The following CARHSP1 variants were observed in gnomAD, a reference collection of about 807,000 sequenced individuals.
CARHSP1 encodes the protein calcium-regulated heat-stable protein 1.
Under a neutral mutation model 12.5 loss-of-function variants are expected in CARHSP1, and 14 were observed. The ratio of observed to expected loss-of-function variants is 1.12; its 90% CI spans 0.74 to 1.75. CARHSP1 has a LOEUF of 1.75. Ranked by LOEUF, CARHSP1 falls within the 40% of genes most tolerant of loss-of-function variation. The pLI, the probability that CARHSP1 is intolerant of heterozygous loss-of-function variation, is 0.00. For synonymous variants in CARHSP1, 161 were observed against 82.0 expected, an observed-to-expected ratio of 1.96 and a Z score of -5.20; for missense variants, 343 against 201.6, an observed-to-expected ratio of 1.70 and a Z score of -4.25.
In CARHSP1 at chr16:8,854,384, A is replaced by C. The variant is rs2061030946; in HGVS notation, c.*780T>G. 1 of 152,104 alleles carries C rather than the reference A, an allele frequency of 6.6e-6. No individual in the cohort carries two copies. Among genetic ancestry groups the C allele is most frequent in the Non-Finnish European group, 1.5e-5 (1 of 68,026 alleles). 9.4% of individuals were successfully genotyped at this position (152,104 alleles called of 1,614,324 possible). On this transcript the variant is annotated 3_prime_UTR_variant, in exon 4 of 4. Transcript: ENST00000311052. The stretch of plus-strand genomic sequence containing the variant: ...CACCACCCCAGCCCCCCGCCGCCAT[A>C]ATTACAGGGGCTGTGAAATGGCTGT...
intron 3 of CARHSP1, chr16:8,857,887 G>C (rs376237653): frequency 6.5e-6 from 1 of 154,612 alleles, no homozygotes; most frequent in Non-Finnish European, 1.4e-5. Context: ...TCAGCCTCCC[G>C]AGTAGCTGGG....
intron 3 of CARHSP1, among the ~76,000 whole-genome samples, chr16:8,856,420 TC>T (rs2061110387): frequency 6.6e-6 from 1 of 152,180 alleles, no homozygotes; most frequent in African/African-American, 2.4e-5. Context: ...GCAGCCTACT[TC>T]CAGCAGCAGA....
At chr16:8,864,035 C>T (rs920882239) in intron 1 of CARHSP1, among the ~76,000 whole-genome samples, 7 of 152,164 alleles carry the variant, frequency 4.6e-5, no homozygotes, top group South Asian at 2.1e-4. Flanking sequence ...CAAACAGATC[C>T]GCCACTCAGA....
intron 1 of CARHSP1, among the ~76,000 whole-genome samples, chr16:8,864,399 G>C (rs1399908439): frequency 1.3e-5 from 2 of 152,090 alleles, no homozygotes; most frequent in Non-Finnish European, 2.9e-5. Flanking sequence ...TAAGGGAGTG[G>C]GACAGACCAT....
chr16:8,861,563 A>G, intron 1 of CARHSP1: 1 of 1,245,872 alleles, frequency 8.0e-7, no homozygotes, highest in South Asian at 1.2e-5. Context: ...CTGAAATGTC[A>G]GAACCCCTCC....
At chr16:8,857,206 C>G (rs950768172) in intron 3 of CARHSP1, among the ~76,000 whole-genome samples, 1 of 148,590 alleles carries the variant, frequency 6.7e-6, no homozygotes, top group Admixed American at 6.8e-5. Context: ...CAAGCATAGT[C>G]GGGCACCCCC....
Position 8,860,309 on chromosome 16 carries a change from G to C in CARHSP1, c.-7-974C>G, listed in dbSNP as rs146488736. 4.1e-6 allele frequency: 4 copies of C among 984,194 alleles called. No individual in the cohort carries two copies. The East Asian group carries it at 4.5e-4, about 112-fold the overall frequency. 61.0% of individuals were successfully genotyped at this position (984,194 alleles called of 1,614,324 possible). On this transcript the variant is annotated intron_variant, in intron 1 of 3. Transcript: ENST00000311052. ...ATTTCCACACAGCCCGGGTCACCAC[G>C]CTGTTATGAAATCAAATTCCTTCTG...
intron 1 of CARHSP1, chr16:8,866,350 T>C (rs998995018): frequency 2.5e-6 from 2 of 804,458 alleles, no homozygotes; most frequent in Non-Finnish European, 3.0e-6. Flanking sequence ...AGCCCAAGGC[T>C]TAACAGTGCA....
Position 8,859,442 on chromosome 16 carries a change from CG to C in CARHSP1, c.-7-108del. 6.0e-6 allele frequency: 6 copies of C among 1,002,150 alleles called. No homozygotes were observed. The South Asian group carries it at 9.3e-5, about 16-fold the overall frequency. The allele number at this position is 1,002,150 out of a possible 1,614,324, so 62.1% of individuals were successfully genotyped here. A position where few individuals can be genotyped will look rare whatever the true frequency, so the allele number is the denominator to read the frequency against. On this transcript the variant is annotated intron_variant, in intron 1 of 3. Coordinates refer to ENST00000311052, the MANE Select transcript of CARHSP1 (RefSeq NM_014316.4). The stretch of plus-strand genomic sequence containing the variant: ...TCCAGTATCTGAGGCTCATTCCTCT[CG>C]GGCACCTCAGCACCATTGTCACCTT...
rs1054012793 is a variant in CARHSP1, at chr16:8,859,105, A to G, written c.158+66T>C. 2.8e-6 allele frequency: 4 copies of G among 1,447,716 alleles called. No homozygotes were observed. In the African/African-American group the frequency reaches 4.3e-5, roughly 15 times the overall value. 89.7% of individuals were successfully genotyped at this position (1,447,716 alleles called of 1,614,324 possible). A position where few individuals can be genotyped will look rare whatever the true frequency, so the allele number is the denominator to read the frequency against. ...TAGGCCCAAAAATGGCCAGAGACACAGTGAATCTCTGGCCTCAGGCAAGAG... is the reference window on the plus strand; with the variant it reads ...TAGGCCCAAAAATGGCCAGAGACACGGTGAATCTCTGGCCTCAGGCAAGAG... On this transcript the variant is annotated intron_variant, in intron 2 of 3. Coordinates refer to ENST00000311052, the MANE Select transcript of CARHSP1 (RefSeq NM_014316.4).
At chr16:8,863,624 G>A (rs1596326587) in intron 1 of CARHSP1, among the ~76,000 whole-genome samples, 1 of 152,176 alleles carries the variant, frequency 6.6e-6, no homozygotes, top group African/African-American at 2.4e-5. Flanking sequence ...GCCTCTCATG[G>A]CCCATCTGGG....
At chr16:8,856,727 T>C (rs2141077118) in intron 3 of CARHSP1, among the ~76,000 whole-genome samples, 1 of 152,270 alleles carries the variant, frequency 6.6e-6, no homozygotes, top group African/African-American at 2.4e-5. Context: ...TAGGACTCTG[T>C]CTGCCCCTGC....
chr16:8,867,859 G>A (rs2061476021), intron 1 of CARHSP1: 1 of 152,414 alleles, frequency 6.6e-6, no homozygotes, highest in South Asian at 2.1e-4. Context: ...AGGAAGCCCT[G>A]CTGAGAAGTT....
chr16:8,856,517 G>A (rs2061114863), intron 3 of CARHSP1, among the ~76,000 whole-genome samples: 2 of 151,334 alleles, frequency 1.3e-5, no homozygotes, highest in South Asian at 4.2e-4. Context: ...ATCCTTTCTG[G>A]GACAAGGCAG....
intron 1 of CARHSP1, among the ~76,000 whole-genome samples, chr16:8,861,258 A>G (rs1294537607): frequency 3.9e-5 from 5 of 129,790 alleles, no homozygotes; most frequent in Admixed American, 9.1e-5. Context: ...GGCTCAACGG[A>G]TTCTCCCACC....
At chr16:8,860,093 GC>G in intron 1 of CARHSP1, 2 of 973,596 alleles carry the variant, frequency 2.1e-6, no homozygotes, top group Non-Finnish European at 1.2e-6. Context: ...GGAAGCAGGG[GC>G]AAAAACTGAC....
intron 1 of CARHSP1, chr16:8,859,979 A>G: frequency 1.4e-5 from 3 of 221,308 alleles, no homozygotes; most frequent in Non-Finnish European, 2.3e-5. Flanking sequence ...TCTGTCTCAA[A>G]AAAGAAAACC....
At position 8,859,162 on chromosome 16, in the gene CARHSP1, C is replaced by G. The variant is rs2061256948; in HGVS notation, c.158+9G>C. 1.3e-6 allele frequency: 2 copies of G among 1,593,790 alleles called. No homozygotes were observed. The highest frequency in any genetic ancestry group is 1.7e-6 in the Non-Finnish European group (2 of 1,167,968). On this transcript the variant is annotated intron_variant, in intron 2 of 3. Transcript: ENST00000311052. ...CTGAGAACGCGTCCCCAGCCTGCTCCAGACTCACGCCGAGAAGGTCCTCGT... is the reference window on the plus strand; with the variant it reads ...CTGAGAACGCGTCCCCAGCCTGCTCGAGACTCACGCCGAGAAGGTCCTCGT...
chr16:8,856,576 G>A (rs557091513), intron 3 of CARHSP1, among the ~76,000 whole-genome samples: 5 of 150,496 alleles, frequency 3.3e-5, no homozygotes, highest in Admixed American at 1.3e-4. Flanking sequence ...TGTGAAATGC[G>A]TCACCTTGGT....
Sources: gnomAD v4.1 joint callset for allele counts (sites outside exome capture counted in the v4.1 genomes callset) on GRCh38, gnomAD v4.1.1 for gene constraint, MANE v1.5 for transcripts, NCBI Gene and HGNC (gene_info 2026-07-23, HGNC 2026-07-21) for gene names.